The following RABEPK variants were observed in gnomAD, a reference collection of about 807,000 sequenced individuals.
RABEPK encodes 40 kDa Rab9 effector protein.
RABEPK carries 27 observed loss-of-function variants against 34.1 expected under a neutral mutation model. The observed-to-expected ratio is 0.79, with a 90% CI of 0.58 to 1.09. RABEPK has a LOEUF of 1.09. RABEPK is among the 50% of genes least tolerant of loss of function. The pLI, the probability that RABEPK is intolerant of heterozygous loss-of-function variation, is 0.00. For synonymous variants in RABEPK, 172 were observed against 169.2 expected, an observed-to-expected ratio of 1.02 and a Z score of -0.13; for missense variants, 449 against 462.6, an observed-to-expected ratio of 0.97 and a Z score of 0.27.
At chr9:125,217,979 C>T (rs1020651622) in intron 4 of RABEPK, among the ~76,000 whole-genome samples, 1 of 151,912 alleles carries the variant, frequency 6.6e-6, no homozygotes, top group African/African-American at 2.4e-5. Context: ...GACAGAATTT[C>T]TTGGTGTGTT....
At position 125,214,418 on chromosome 9, in the gene RABEPK, A is replaced by C. The variant is rs574067511; in HGVS notation, c.364+896A>C. On this transcript the variant is annotated intron_variant, in intron 4 of 7. Coordinates refer to ENST00000373538, the MANE Select transcript of RABEPK (RefSeq NM_005833.4). ...CTGGTCTAAAATGTCAGTAGTGCCA[A>C]AGTTAAGAAACACTGACCTGGATCC... 6.6e-5 allele frequency among the ~76,000 whole-genome samples: 10 copies of C among 152,328 alleles called. No homozygotes were observed. In the East Asian group the frequency reaches 9.7e-4, roughly 15 times the overall value.
At position 125,213,463 on chromosome 9, in the gene RABEPK, G is replaced by C. The variant is rs1392827433; in HGVS notation, c.305G>C (p.Trp102Ser). Residue 102 changes from tryptophan (W) to serine (S), a missense_variant, in exon 4 of 8, where the codon TGG (tryptophan) becomes TCG (serine). Physicochemically the swap from Trp to Ser is radical, Grantham distance 177. Coordinates refer to ENST00000373538, the MANE Select transcript of RABEPK (RefSeq NM_005833.4). ...CCCTCCTGCACACCTGACCGTATCT[G>C]GGTATTTGGAGGTGCCAACCAATCA... The part of the protein sequence containing the change: ...FIPSCTPDRI[W>S]VFGGANQSGN... 3 of 1,613,982 alleles carry C rather than the reference G, an allele frequency of 1.9e-6. No individual in the cohort carries two copies. The highest frequency in any genetic ancestry group is 2.5e-6 in the Non-Finnish European group (3 of 1,180,026).
chr9:125,218,010 C>G (rs71495547), intron 4 of RABEPK, among the ~76,000 whole-genome samples: 1 of 149,060 alleles, frequency 6.7e-6, no homozygotes, highest in Non-Finnish European at 1.5e-5. Flanking sequence ...AAGTGTGGGA[C>G]TCTGATAGAA....
At chr9:125,213,183 A>G (rs556263670) in intron 3 of RABEPK, among the ~76,000 whole-genome samples, 187 bp from the exon 4 acceptor site, 2 of 152,320 alleles carry the variant, frequency 1.3e-5, no homozygotes, top group Admixed American at 6.5e-5. Flanking sequence ...AACGGGGTCT[A>G]TGGACTAGGC....
intron 5 of RABEPK, among the ~76,000 whole-genome samples, chr9:125,222,680 C>T (rs1831429880): frequency 2.1e-5 from 3 of 140,270 alleles, no homozygotes; most frequent in African/African-American, 8.0e-5. Context: ...TGCCACTGCA[C>T]TCCAGCCTGG....
intron 3 of RABEPK, 86 bp downstream of exon 3, chr9:125,207,807 A>T: frequency 6.7e-7 from 1 of 1,496,684 alleles, no homozygotes; most frequent in Non-Finnish European, 9.2e-7. Context: ...ATTCCTAAAA[A>T]CACCAGCAGG....
intron 2 of RABEPK, among the ~76,000 whole-genome samples, chr9:125,206,085 G>A (rs565078064): frequency 5.8e-4 from 89 of 152,226 alleles, no homozygotes; most frequent in Admixed American, 4.3e-3. Flanking sequence ...CACAAGAAGC[G>A]AGGAGAGGTC....
intron 6 of RABEPK, among the ~76,000 whole-genome samples, chr9:125,229,406 A>G (rs1336750411): frequency 6.6e-6 from 1 of 152,146 alleles, no homozygotes; most frequent in Non-Finnish European, 1.5e-5. Context: ...ACTCCAGCCT[A>G]GACGACAGAG....
chr9:125,214,248 C>T (rs981493837), intron 4 of RABEPK, among the ~76,000 whole-genome samples: 7 of 152,124 alleles, frequency 4.6e-5, no homozygotes, highest in Admixed American at 3.3e-4. Context: ...ATTGTGCCCC[C>T]GGGGGACATT....
At position 125,207,650 on chromosome 9, in the gene RABEPK, G is replaced by T; in HGVS notation, c.140G>T (p.Arg47Ile). 1.2e-6 allele frequency: 2 copies of T among 1,614,200 alleles called. No homozygotes were observed. The highest frequency in any genetic ancestry group is 3.3e-5 in the Admixed American group (2 of 60,026). Residue 47 changes from arginine to isoleucine, a missense_variant, in exon 3 of 8, where the codon AGA becomes ATA. Coordinates refer to ENST00000373538, the MANE Select transcript of RABEPK (RefSeq NM_005833.4). ...SYLPPVGNAK[R>I]GKVFIVGGAN... ...TTACCCCCAGTTGGTAATGCCAAGA[G>T]AGGGAAGGTCTTCATTGTTGGGGGA... is the stretch of plus-strand genomic sequence containing the variant.
At chr9:125,229,580 A>G (rs888820757) in intron 6 of RABEPK, among the ~76,000 whole-genome samples, 22 of 152,244 alleles carry the variant, frequency 1.4e-4, no homozygotes, top group African/African-American at 5.3e-4. Context: ...CTGAGTGCTT[A>G]CTATGGACCC....
At chr9:125,215,996 T>A (rs1470812685) in intron 4 of RABEPK, among the ~76,000 whole-genome samples, 1 of 152,166 alleles carries the variant, frequency 6.6e-6, no homozygotes, top group African/African-American at 2.4e-5. Context: ...TGTACATAGT[T>A]TAAATATGCA....
In RABEPK at chr9:125,207,794, G is replaced by A. The variant is rs569663929; in HGVS notation, c.211+73G>A. On this transcript the variant is annotated intron_variant, in intron 3 of 7. Coordinates refer to ENST00000373538, the MANE Select transcript of RABEPK (RefSeq NM_005833.4). ...GCTGTGTGCTGCTAGCCATGAGCAG[G>A]GCATTCCTAAAAACACCAGCAGGGT... The A allele has an allele frequency of 3.1e-5, 48 of 1,551,606 alleles. No individual in the cohort carries two copies. In the Admixed American group the frequency reaches 6.7e-4, roughly 22 times the overall value.
intron 1 of RABEPK, 104 bp from the exon 2 acceptor site, chr9:125,202,904 C>G: frequency 2.8e-6 from 2 of 703,576 alleles, no homozygotes; most frequent in Non-Finnish European, 5.0e-6. Context: ...ATCAATCAGG[C>G]CTAGAAATTA....
intron 3 of RABEPK, 66 bp from the exon 4 acceptor site, chr9:125,213,304 T>C (rs359588): frequency 0.96 from 1,463,277 of 1,529,970 alleles, 699,990 homozygotes; most frequent in East Asian, 1. Context: ...ATGACCCTCC[T>C]CAAGTGTGCC....
chr9:125,220,447 G>A, intron 4 of RABEPK, 92 bp from the exon 5 acceptor site: 2 of 1,521,018 alleles, frequency 1.3e-6, no homozygotes, highest in Non-Finnish European at 1.8e-6. Flanking sequence ...CTGGGGATTG[G>A]AGTTTGGAAA....
intron 4 of RABEPK, among the ~76,000 whole-genome samples, chr9:125,217,243 A>G (rs1320364776): frequency 6.6e-6 from 1 of 152,210 alleles, no homozygotes. Flanking sequence ...ATTAATGCTC[A>G]GTAATTGTTG....
rs17855990 is a variant in RABEPK at position 125,207,688 on chromosome 9, A to G, written c.178A>G (p.Arg60Gly). The G allele has an allele frequency of 6.8e-6, 11 of 1,614,176 alleles. No individual in the cohort carries two copies. Among genetic ancestry groups the G allele is most frequent in the Middle Eastern group, 1.7e-4 (1 of 6,060 alleles). The change falls in exon 3 of 8, where the codon AGA becomes GGA. Residue 60 changes from arginine (R) to glycine (G), a missense_variant. Transcript: ENST00000373538. ...VFIVGGANPNRSFSDVHTMDL... is the reference protein window; with the variant it reads ...VFIVGGANPNGSFSDVHTMDL... ...CATTGTTGGGGGAGCAAATCCAAAC[A>G]GAAGCTTCTCAGACGTGCACACCAT...
intron 3 of RABEPK, among the ~76,000 whole-genome samples, chr9:125,211,191 C>G (rs951744103): frequency 1.3e-5 from 2 of 150,744 alleles, no homozygotes; most frequent in African/African-American, 2.4e-5. Context: ...GAGCCGAGAT[C>G]GCGCCACTGC....
Sources: gnomAD v4.1 joint callset for allele counts (sites outside exome capture counted in the v4.1 genomes callset) on GRCh38, gnomAD v4.1.1 for gene constraint, MANE v1.5 for transcripts, NCBI Gene and HGNC (gene_info 2026-07-23, HGNC 2026-07-21) for gene names.